Variants in PTPRK observed in about 807,000 individuals in gnomAD.
The protein encoded by PTPRK is receptor-type tyrosine-protein phosphatase kappa.
PTPRK carries 75 observed loss-of-function variants against 178.0 expected under a neutral mutation model. That is an observed-to-expected ratio of 0.42 (90% confidence interval 0.35 to 0.51). PTPRK has a LOEUF of 0.51. PTPRK is among the 20% of genes least tolerant of loss of function. The pLI is 0.02. For missense variants in PTPRK, 1,441 were observed against 1,797.8 expected (o/e 0.80, Z 3.59); for synonymous variants, 637 against 620.6 (o/e 1.03, Z -0.39).
chr6:128,295,559 G>C (rs1407410564), intron 3 of PTPRK, among the ~76,000 whole-genome samples: 1 of 152,086 alleles, frequency 6.6e-6, no homozygotes, highest in East Asian at 1.9e-4. Context: ...GGGGGAAACT[G>C]AGCCTAGCTT....
At chr6:128,027,415 C>T (rs1774492252) in intron 13 of PTPRK, among the ~76,000 whole-genome samples, 1 of 152,120 alleles carries the variant, frequency 6.6e-6, no homozygotes, top group Non-Finnish European at 1.5e-5. Flanking sequence ...ACAGTACCCA[C>T]ATTCAAAGAG....
chr6:128,031,783 T>A lies in PTPRK; in HGVS notation c.2195-22515A>T, dbSNP rs184694245. 3.5e-3 allele frequency among the ~76,000 whole-genome samples: 538 copies of A among 152,208 alleles called. 4 individuals carry two copies. The highest frequency in any genetic ancestry group is 0.012 in the African/African-American group (508 of 41,526). On this transcript the variant is annotated intron_variant, in intron 13 of 29. Transcript: ENST00000368226. ...GATCTTGAACTAATTTAGAACAGTT[T>A]AAAGAACACCAAAAGTTAAGTGACA...
At chr6:128,125,878 GA>G (rs374815321) in intron 7 of PTPRK, among the ~76,000 whole-genome samples, 9 of 151,854 alleles carry the variant, frequency 5.9e-5, no homozygotes, top group African/African-American at 1.9e-4. Flanking sequence ...AAAGTGCTGG[GA>G]TTACAGGCCT....
intron 7 of PTPRK, among the ~76,000 whole-genome samples, chr6:128,104,157 T>A (rs1583022246): frequency 6.6e-6 from 1 of 152,250 alleles, no homozygotes; most frequent in Non-Finnish European, 1.5e-5. Context: ...ATTTACTTCT[T>A]CATTTTTCTC....
At chr6:128,326,875 G>C (rs1484390581) in intron 2 of PTPRK, among the ~76,000 whole-genome samples, 2 of 152,110 alleles carry the variant, frequency 1.3e-5, no homozygotes, top group South Asian at 4.1e-4. Context: ...TATCTTACAA[G>C]AGGAAAATCA....
chr6:128,107,667 T>C (rs1402373742), intron 7 of PTPRK, among the ~76,000 whole-genome samples: 1 of 152,234 alleles, frequency 6.6e-6, no homozygotes, highest in Non-Finnish European at 1.5e-5. Flanking sequence ...GTTACATACA[T>C]ACTATGTCAT....
At chr6:128,354,148 T>A (rs1833580508) in intron 2 of PTPRK, among the ~76,000 whole-genome samples, 3 of 151,146 alleles carry the variant, frequency 2.0e-5, no homozygotes, top group Admixed American at 6.6e-5. Context: ...ATTTTATGTC[T>A]CAGAAAATTA....
chr6:128,493,126 T>C (rs1854071666), intron 1 of PTPRK, among the ~76,000 whole-genome samples: 1 of 152,214 alleles, frequency 6.6e-6, no homozygotes, highest in South Asian at 2.1e-4. Context: ...GCTGTTTCTA[T>C]TGCAAAAGAA....
intron 5 of PTPRK, among the ~76,000 whole-genome samples, chr6:128,233,719 T>G (rs1316622153): frequency 6.6e-6 from 1 of 152,192 alleles, no homozygotes; most frequent in Non-Finnish European, 1.5e-5. Flanking sequence ...TGCCAGCACC[T>G]GCGGCGATTA....
chr6:128,268,657 CATTT>C (rs1424220590), intron 3 of PTPRK, among the ~76,000 whole-genome samples: 1 of 151,988 alleles, frequency 6.6e-6, no homozygotes, highest in Non-Finnish European at 1.5e-5. Flanking sequence ...TTTAACAATT[CATTT>C]GTTTTACAAT....
intron 24 of PTPRK, among the ~76,000 whole-genome samples, chr6:127,981,913 C>A (rs1453518885): frequency 6.6e-6 from 1 of 152,088 alleles, no homozygotes; most frequent in Non-Finnish European, 1.5e-5. Context: ...CCACAGCCTT[C>A]CAGGGTTAAG....
intron 7 of PTPRK, among the ~76,000 whole-genome samples, chr6:128,122,214 A>G (rs1316784607): frequency 3.3e-5 from 5 of 152,166 alleles, no homozygotes; most frequent in Non-Finnish European, 4.4e-5. Context: ...TTGGGGGAAG[A>G]CACAAGTTAA....
At chr6:128,072,197 T>C (rs941396938) in intron 11 of PTPRK, among the ~76,000 whole-genome samples, 2 of 152,032 alleles carry the variant, frequency 1.3e-5, no homozygotes, top group African/African-American at 4.8e-5. Context: ...TAAATCAATA[T>C]ATTGGTATCA....
intron 21 of PTPRK, among the ~76,000 whole-genome samples, chr6:127,987,751 T>A (rs574997454): frequency 1.3e-5 from 2 of 152,084 alleles, no homozygotes; most frequent in Non-Finnish European, 2.9e-5. Context: ...TGACACTGAT[T>A]ATCCACATAA....
At chr6:128,442,377 G>C (rs1206963293) in intron 1 of PTPRK, among the ~76,000 whole-genome samples, 4 of 151,984 alleles carry the variant, frequency 2.6e-5, no homozygotes, top group African/African-American at 9.7e-5. Context: ...ATTGACTAGG[G>C]ATCTAAGTCC....
In PTPRK at chr6:128,184,619, C is replaced by T; in HGVS notation, c.975G>A (p.Leu325=). ...NSIIGDGPII[L]KEVEYRMTSG... ...ATGTCATTCGGTACTCTACTTCTTT[C>T]AGGATGATAGGACCATCGCCAATGA... Residue 325 remains leucine, a synonymous_variant, in exon 7 of 30, where the codon CTG becomes CTA. Transcript: ENST00000368226. 6.2e-7 allele frequency: 1 copy of T among 1,614,036 alleles called. No individual in the cohort carries two copies. Among genetic ancestry groups the T allele is most frequent in the South Asian group, 1.1e-5 (1 of 91,078 alleles).
At chr6:128,241,227 C>T (rs771496110) in intron 4 of PTPRK, 7 of 533,158 alleles carry the variant, frequency 1.3e-5, no homozygotes, top group Non-Finnish European at 2.7e-5. Flanking sequence ...ACTTACCTCT[C>T]AGGAAGAGAT....
intron 3 of PTPRK, among the ~76,000 whole-genome samples, chr6:128,290,661 T>C (rs776533825): frequency 6.6e-6 from 1 of 152,058 alleles, no homozygotes; most frequent in Non-Finnish European, 1.5e-5. Flanking sequence ...TTCTACACAT[T>C]AGCAATTTAA....
chr6:128,432,772 A>ACACACACACC (rs965738083), intron 1 of PTPRK, among the ~76,000 whole-genome samples: 3 of 150,826 alleles, frequency 2.0e-5, no homozygotes, highest in African/African-American at 7.3e-5. Context: ...ACACACACAC[A>ACACACACACC]CCCTAACTCA....
Sources: allele counts gnomAD v4.1 joint callset (sites outside exome capture counted in the v4.1 genomes callset), GRCh38; gene constraint gnomAD v4.1.1; transcripts MANE v1.5; gene names NCBI Gene and HGNC (gene_info 2026-07-23, HGNC 2026-07-21).